UST: variants seen among roughly 807,000 people sequenced by gnomAD.
The protein encoded by UST is uronyl 2-sulfotransferase.
In UST, 21 loss-of-function variants were observed where a neutral mutation model predicts 45.6. The ratio of observed to expected loss-of-function variants is 0.46; its 90% confidence interval spans 0.33 to 0.66. The LOEUF is 0.66. UST is among the 30% of genes least tolerant of loss of function. The pLI, the probability that UST is intolerant of heterozygous loss-of-function variation, is 0.02. For missense variants in UST, 463 were observed against 512.4 expected, an observed-to-expected ratio of 0.90 and a Z score of 0.93; for synonymous variants, 215 against 200.6, an observed-to-expected ratio of 1.07 and a Z score of -0.61.
rs1237037154 is a variant in UST at position 149,075,843 on chromosome 6, A to G, written c.*1727A>G. On this transcript the variant is annotated 3_prime_UTR_variant, in exon 8 of 8. Transcript: ENST00000367463. ...TAATAGTAAATAAGACTCTGACTTT[A>G]CACAAGCTACACATTTTATACTTTT... is the stretch of plus-strand genomic sequence containing the variant. 1 of 152,516 alleles carries G rather than the reference A, an allele frequency of 6.6e-6. No individual in the cohort carries two copies. Among genetic ancestry groups the G allele is most frequent in the African/African-American group, 2.4e-5 (1 of 41,448 alleles). 9.4% of individuals were successfully genotyped at this position (152,516 alleles called of 1,614,324 possible).
chr6:149,005,146 C>T (rs1169857240), intron 5 of UST, among the ~76,000 whole-genome samples: 2 of 152,112 alleles, frequency 1.3e-5, no homozygotes, highest in Non-Finnish European at 2.9e-5. Context: ...TACAGAGAAC[C>T]CAATATGTAA....
At chr6:148,853,489 G>A (rs939983597) in intron 1 of UST, among the ~76,000 whole-genome samples, 4 of 152,130 alleles carry the variant, frequency 2.6e-5, no homozygotes, top group Non-Finnish European at 5.9e-5. Flanking sequence ...TAAAGGGATC[G>A]CTGGGTCAAA....
intron 3 of UST, among the ~76,000 whole-genome samples, chr6:148,952,903 G>A (rs1780395108): frequency 6.6e-6 from 1 of 152,172 alleles, no homozygotes; most frequent in Admixed American, 6.5e-5. Flanking sequence ...GGAGTCATAA[G>A]AATGCTTGGA....
chr6:148,837,695 T>C (rs897225690), intron 1 of UST, among the ~76,000 whole-genome samples: 2 of 146,156 alleles, frequency 1.4e-5, no homozygotes, highest in African/African-American at 5.1e-5. Flanking sequence ...CTCTTTTTTT[T>C]TTTTTCTCTC....
At chr6:148,838,006 A>C (rs780303014) in intron 1 of UST, among the ~76,000 whole-genome samples, 1 of 152,248 alleles carries the variant, frequency 6.6e-6, no homozygotes, top group Non-Finnish European at 1.5e-5. Flanking sequence ...TATGGAACTT[A>C]CATTCTTGGA....
rs1298854649 is a variant in UST at position 149,075,121 on chromosome 6, C to G, written c.*1005C>G. On this transcript the variant is annotated 3_prime_UTR_variant, in exon 8 of 8. Transcript: ENST00000367463. ...TGCACCCAATATGAAACATCTTCTCCCAACACTGCTTTAATGGAAGTTCTA... is the reference window on the plus strand; with the variant it reads ...TGCACCCAATATGAAACATCTTCTCGCAACACTGCTTTAATGGAAGTTCTA... 1 of 152,160 alleles carries G rather than the reference C, an allele frequency of 6.6e-6. No individual in the cohort carries two copies. The highest frequency in any genetic ancestry group is 1.5e-5 in the Non-Finnish European group (1 of 68,054). 9.4% of individuals were successfully genotyped at this position (152,160 alleles called of 1,614,324 possible). A position where few individuals can be genotyped will look rare whatever the true frequency, so the allele number is the denominator to read the frequency against.
In UST at chr6:148,859,713, G is replaced by A. The variant is rs188779222; in HGVS notation, c.248-27273G>A. On this transcript the variant is annotated intron_variant, in intron 1 of 7. Coordinates refer to ENST00000367463, the MANE Select transcript of UST (RefSeq NM_005715.3). ...ATCCAGTTTCAGCTTTCTACATATG[G>A]CCAGCCAGTTTTCCCAGCACCATTT... Among the ~76,000 whole-genome samples the A allele has an allele frequency of 1.1e-4, 16 of 152,218 alleles. No homozygotes were observed. The East Asian group carries it at 1.9e-3, about 18-fold the overall frequency.
chr6:148,915,210 A>G (rs1199069521), intron 2 of UST, among the ~76,000 whole-genome samples: 5 of 152,228 alleles, frequency 3.3e-5, no homozygotes, highest in Non-Finnish European at 7.3e-5. Context: ...ATTAAATTGG[A>G]CTACATGTCA....
intron 1 of UST, among the ~76,000 whole-genome samples, chr6:148,819,654 C>A (rs1777418413): frequency 6.6e-6 from 1 of 152,098 alleles, no homozygotes; most frequent in African/African-American, 2.4e-5. Flanking sequence ...TTTTAAAAGT[C>A]AATATGTTGT....
At chr6:148,924,506 T>A (rs902568307) in intron 2 of UST, among the ~76,000 whole-genome samples, 6 of 152,118 alleles carry the variant, frequency 3.9e-5, no homozygotes, top group Non-Finnish European at 5.9e-5. Context: ...CTGAAGACGG[T>A]TTTGCCAGCC....
chr6:149,024,038 G>A (rs373536088), intron 7 of UST, among the ~76,000 whole-genome samples: 6 of 152,224 alleles, frequency 3.9e-5, no homozygotes, highest in African/African-American at 1.4e-4. Flanking sequence ...AGAGAATAAA[G>A]GACATCTGGT....
chr6:148,872,720 G>T (rs1021992126), intron 1 of UST, among the ~76,000 whole-genome samples: 1 of 152,110 alleles, frequency 6.6e-6, no homozygotes, highest in African/African-American at 2.4e-5. Flanking sequence ...GAGGCTCTAG[G>T]CAAGAATTTG....
intron 5 of UST, among the ~76,000 whole-genome samples, chr6:149,013,595 G>A (rs1490475195): frequency 6.6e-6 from 1 of 152,150 alleles, no homozygotes; most frequent in Non-Finnish European, 1.5e-5. Flanking sequence ...CTGAGATTAT[G>A]TAGCTGAGAG....
intron 1 of UST, among the ~76,000 whole-genome samples, chr6:148,769,443 T>C (rs1776378203): frequency 6.6e-6 from 1 of 152,368 alleles, no homozygotes; most frequent in Non-Finnish European, 1.5e-5. Flanking sequence ...TAACAAAACA[T>C]TGGGCTTCAA....
intron 5 of UST, among the ~76,000 whole-genome samples, chr6:149,012,662 A>G (rs756022477): frequency 6.6e-6 from 1 of 152,334 alleles, no homozygotes; most frequent in Non-Finnish European, 1.5e-5. Flanking sequence ...AAGAAGTCCA[A>G]AGTTCCACAG....
intron 7 of UST, among the ~76,000 whole-genome samples, chr6:149,045,556 G>A (rs185661779): frequency 2.0e-5 from 3 of 152,272 alleles, no homozygotes; most frequent in African/African-American, 7.2e-5. Flanking sequence ...GGTACCCTGC[G>A]GATCTCTAGG....
chr6:149,002,172 A>G (rs1417144363), intron 5 of UST, among the ~76,000 whole-genome samples: 1 of 152,132 alleles, frequency 6.6e-6, no homozygotes, highest in Non-Finnish European at 1.5e-5. Context: ...AAAAAAATGT[A>G]AGGGTAAAAT....
At chr6:148,985,024 A>G (rs1781213581) in intron 5 of UST, among the ~76,000 whole-genome samples, 1 of 152,160 alleles carries the variant, frequency 6.6e-6, no homozygotes, top group Non-Finnish European at 1.5e-5. Flanking sequence ...TTCTAGTTGG[A>G]GTAAGCTGAT....
At position 148,790,683 on chromosome 6, in the gene UST, G is replaced by A. The variant is rs553560425; in HGVS notation, c.247+43006G>A. Among the ~76,000 whole-genome samples the A allele has an allele frequency of 1.3e-5, 2 of 152,268 alleles. No individual in the cohort carries two copies. The highest frequency in any genetic ancestry group is 4.2e-4 in the South Asian group (2 of 4,812). ...CTGGAAGGAGTGCTGTGCCCCGTGT[G>A]GAAGGAAACCTCCTCGCCCAAGGTT... On this transcript the variant is annotated intron_variant, in intron 1 of 7. Coordinates refer to ENST00000367463, the MANE Select transcript of UST (RefSeq NM_005715.3). The surrounding 1 kb of genome is among the most constrained non-coding windows in gnomAD (Gnocchi z 4.2).
Sources: allele counts gnomAD v4.1 joint callset (sites outside exome capture counted in the v4.1 genomes callset), GRCh38; gene constraint gnomAD v4.1.1; non-coding constraint Gnocchi (gnomAD v3.1); transcripts MANE v1.5; gene names NCBI Gene and HGNC (gene_info 2026-07-23, HGNC 2026-07-21).